Variants in ARB2A observed in about 807,000 individuals in gnomAD.
ARB2A encodes ARB2 cotranscriptional regulator A.
At chr5:93,997,024 G>A in the ARB2A span, among the ~76,000 whole-genome samples, 2 of 152,106 alleles carry the variant, frequency 1.3e-5, no homozygotes, top group East Asian at 3.9e-4. Context: ...GCTCTCAGGA[G>A]ACAGGTAATT....
chr5:93,806,778 G>A, the ARB2A span, among the ~76,000 whole-genome samples: 17 of 152,012 alleles, frequency 1.1e-4, no homozygotes, highest in Admixed American at 3.3e-4. Context: ...ATGATATAGA[G>A]TGACACCAGT....
chr5:94,018,244 T>C, the ARB2A span, among the ~76,000 whole-genome samples: 1 of 152,228 alleles, frequency 6.6e-6, no homozygotes, highest in African/African-American at 2.4e-5. Context: ...AGACATCAGC[T>C]GTACAAAGAC....
chr5:93,793,974 T>C, the ARB2A span, among the ~76,000 whole-genome samples: 2 of 152,198 alleles, frequency 1.3e-5, no homozygotes, highest in South Asian at 4.1e-4. Flanking sequence ...GCTGAGGCAA[T>C]CTCTGATGGG....
At chr5:93,749,192 C>A in the ARB2A span, among the ~76,000 whole-genome samples, 1 of 152,090 alleles carries the variant, frequency 6.6e-6, no homozygotes, top group Non-Finnish European at 1.5e-5. Context: ...TTTTGATCAT[C>A]CATTCTTGTA....
chr5:93,818,193 T>C, the ARB2A span, among the ~76,000 whole-genome samples: 1 of 151,344 alleles, frequency 6.6e-6, no homozygotes. Context: ...CAGATAATAA[T>C]AAGTGCTGAT....
chr5:94,053,272 G>T, the ARB2A span: 2 of 1,031,838 alleles, frequency 1.9e-6, no homozygotes, highest in Non-Finnish European at 2.9e-6. Flanking sequence ...CATTTTCATA[G>T]TTTGTAACAA....
chr5:93,822,504 T>G, the ARB2A span, among the ~76,000 whole-genome samples: 1 of 152,204 alleles, frequency 6.6e-6, no homozygotes, highest in Admixed American at 6.5e-5. Flanking sequence ...AAAATTTGAT[T>G]AGCCTTGCAG....
the ARB2A span, among the ~76,000 whole-genome samples, chr5:93,831,755 A>G: frequency 2.6e-4 from 39 of 152,332 alleles, 1 homozygote; most frequent in African/African-American, 8.9e-4. Flanking sequence ...AGTTGTTTCT[A>G]CTGCTTACAG....
the ARB2A span, among the ~76,000 whole-genome samples, chr5:93,651,378 C>T: frequency 6.6e-6 from 1 of 152,158 alleles, no homozygotes; most frequent in Non-Finnish European, 1.5e-5. Context: ...TCAAGTTATC[C>T]TTCAGCCACT....
chr5:94,069,369 T>C, the ARB2A span, among the ~76,000 whole-genome samples: 1 of 152,150 alleles, frequency 6.6e-6, no homozygotes, highest in Admixed American at 6.5e-5. Context: ...TTCAGGACAC[T>C]GGTCTAGGCA....
chr5:94,024,038 G>A, the ARB2A span, among the ~76,000 whole-genome samples: 2 of 152,196 alleles, frequency 1.3e-5, no homozygotes, highest in Non-Finnish European at 2.9e-5. Context: ...TAGAGCCTGA[G>A]AAAGACTTGT....
At chr5:93,835,895 G>T in the ARB2A span, among the ~76,000 whole-genome samples, 2 of 151,392 alleles carry the variant, frequency 1.3e-5, no homozygotes, top group Non-Finnish European at 3.0e-5. Flanking sequence ...AAAAGTTAAG[G>T]CTTTCCACTG....
the ARB2A span, among the ~76,000 whole-genome samples, chr5:94,044,833 G>A: frequency 6.6e-6 from 1 of 152,000 alleles, no homozygotes; most frequent in East Asian, 1.9e-4. Context: ...ACTCCCACTG[G>A]CACCATGACA....
the ARB2A span, among the ~76,000 whole-genome samples, chr5:93,855,512 TG>T: frequency 1.3e-5 from 2 of 152,208 alleles, no homozygotes; most frequent in African/African-American, 4.8e-5. Context: ...TGATGTTAGC[TG>T]GTTATTTTGC....
the ARB2A span, among the ~76,000 whole-genome samples, chr5:93,924,720 T>A: frequency 6.6e-6 from 1 of 152,174 alleles, no homozygotes; most frequent in Non-Finnish European, 1.5e-5. Context: ...AAGTGTTGAA[T>A]GACTTGTTCA....
At chr5:93,913,638 A>T in the ARB2A span, among the ~76,000 whole-genome samples, 28 of 152,056 alleles carry the variant, frequency 1.8e-4, no homozygotes, top group Non-Finnish European at 3.7e-4. Context: ...TAAGTTCAGA[A>T]CTCTCAAATA....
At chr5:93,865,782 A>G in the ARB2A span, 2 of 985,468 alleles carry the variant, frequency 2.0e-6, no homozygotes, top group South Asian at 4.7e-5. Flanking sequence ...TGATGCATAA[A>G]TAAGTAAATC....
chr5:93,895,011 T>A, the ARB2A span, among the ~76,000 whole-genome samples: 1 of 152,142 alleles, frequency 6.6e-6, no homozygotes, highest in African/African-American at 2.4e-5. Flanking sequence ...TTTGTAAATA[T>A]CACAGGAAGG....
At chr5:93,907,914 G>A in the ARB2A span, among the ~76,000 whole-genome samples, 13 of 151,112 alleles carry the variant, frequency 8.6e-5, no homozygotes, top group East Asian at 1.9e-4. Context: ...ATAAGCTTTC[G>A]AAAGACATAA....
Sources: allele counts gnomAD v4.1 joint callset (sites outside exome capture counted in the v4.1 genomes callset), GRCh38; gene constraint gnomAD v4.1.1; transcripts MANE v1.5; gene names NCBI Gene and HGNC (gene_info 2026-07-23, HGNC 2026-07-21).